The following YEATS2 variants were observed in gnomAD, a reference collection of about 807,000 sequenced individuals.
YEATS2 encodes the protein YEATS domain containing 2.
In YEATS2, 77 loss-of-function variants were observed where a neutral mutation model predicts 163.2. The observed-to-expected ratio is 0.47, with a 90% CI of 0.39 to 0.57. The LOEUF is 0.57. YEATS2 is among the 20% of genes least tolerant of loss of function. The pLI is 0.00. For synonymous variants in YEATS2, 631 were observed against 645.1 expected, an observed-to-expected ratio of 0.98 and a Z score of 0.33; for missense variants, 1,549 against 1,729.8, an observed-to-expected ratio of 0.90 and a Z score of 1.85.
In YEATS2 at chr3:183,803,336, G is replaced by A; in HGVS notation, c.3582+1G>A. The A allele has an allele frequency of 6.2e-7, 1 of 1,609,668 alleles. No individual in the cohort carries two copies. Among genetic ancestry groups the A allele is most frequent in the Non-Finnish European group, 8.5e-7 (1 of 1,178,780 alleles). On this transcript the variant is annotated splice_donor_variant, in intron 26 of 30. Coordinates refer to ENST00000305135, the MANE Select transcript of YEATS2 (RefSeq NM_018023.5). LOFTEE classifies it high-confidence loss of function. ...CATTGGAAAAAGGAGAGCCGCTGAGGTAACCCACATCTGCCTGTCCACTCT... is the reference window on the plus strand; with the variant it reads ...CATTGGAAAAAGGAGAGCCGCTGAGATAACCCACATCTGCCTGTCCACTCT...
intron 10 of YEATS2, among the ~76,000 whole-genome samples, chr3:183,752,519 C>CTT (rs1263022310): frequency 1.3e-5 from 2 of 151,818 alleles, no homozygotes; most frequent in Non-Finnish European, 2.9e-5. Context: ...ACCATCCTGA[C>CTT]TAACACGGTG....
At chr3:183,800,084 G>A (rs906758507) in intron 23 of YEATS2, among the ~76,000 whole-genome samples, 30 of 151,862 alleles carry the variant, frequency 2.0e-4, no homozygotes, top group African/African-American at 3.6e-4. Flanking sequence ...CGCCCACCTC[G>A]GCCTCCCAAA....
intron 19 of YEATS2, among the ~76,000 whole-genome samples, chr3:183,782,359 T>C (rs1723654302): frequency 6.6e-6 from 1 of 152,124 alleles, no homozygotes; most frequent in South Asian, 2.1e-4. Flanking sequence ...TCCACCCGCC[T>C]CAGCCTCCCA....
chr3:183,752,355 G>T, intron 10 of YEATS2, 102 bp downstream of exon 10: 1 of 1,387,830 alleles, frequency 7.2e-7, no homozygotes, highest in Non-Finnish European at 1.0e-6. Context: ...TTTGCTATAA[G>T]TGGACATGCT....
At chr3:183,761,975 C>A in intron 14 of YEATS2, 122 bp from the exon 15 acceptor site, 2 of 1,323,796 alleles carry the variant, frequency 1.5e-6, no homozygotes, top group Non-Finnish European at 2.1e-6. Flanking sequence ...TGGAGTCATT[C>A]TTTACGTATC....
chr3:183,718,886 G>A (rs1225087296), intron 4 of YEATS2, among the ~76,000 whole-genome samples: 1 of 151,946 alleles, frequency 6.6e-6, no homozygotes, highest in African/African-American at 2.4e-5. Context: ...GTAGAGACGA[G>A]GTTTCACCAT....
chr3:183,807,670 G>A, intron 28 of YEATS2: 1 of 227,824 alleles, frequency 4.4e-6, no homozygotes, highest in South Asian at 6.7e-5. Context: ...TGAAGAATGG[G>A]CAAGATGCAG....
rs1447742636 is a variant in YEATS2 at position 183,776,136 on chromosome 3, G to A, written c.2577+13G>A. The A allele has an allele frequency of 2.0e-6, 3 of 1,536,382 alleles. No homozygotes were observed. In the East Asian group the frequency reaches 6.8e-5, roughly 35 times the overall value. On this transcript the variant is annotated intron_variant, in intron 18 of 30. Coordinates refer to ENST00000305135, the MANE Select transcript of YEATS2 (RefSeq NM_018023.5). ...GCAAACTCCCCAGGTCTGGTTCTCT[G>A]TAACTGATATTTTAAATCATTTAGC...
At chr3:183,722,381 C>T (rs1716612093) in intron 5 of YEATS2, among the ~76,000 whole-genome samples, 3 of 150,610 alleles carry the variant, frequency 2.0e-5, no homozygotes, top group Admixed American at 1.3e-4. Flanking sequence ...CTCCGCCTCC[C>T]GGGTTCACGC....
chr3:183,743,220 TAAAAC>T (rs989921407), intron 8 of YEATS2, among the ~76,000 whole-genome samples: 27 of 152,230 alleles, frequency 1.8e-4, no homozygotes, highest in Middle Eastern at 6.8e-3. Context: ...GGTAGAAAAA[TAAAAC>T]AAAAGAAATA....
At chr3:183,746,869 T>A (rs1030231495) in intron 8 of YEATS2, among the ~76,000 whole-genome samples, 13 of 152,122 alleles carry the variant, frequency 8.5e-5, no homozygotes, top group African/African-American at 3.1e-4. Flanking sequence ...TTTAAAACCT[T>A]GTATTTACTA....
intron 19 of YEATS2, among the ~76,000 whole-genome samples, chr3:183,780,813 A>C (rs1013734476): frequency 1.3e-5 from 2 of 152,232 alleles, no homozygotes; most frequent in East Asian, 3.8e-4. Flanking sequence ...TAACAGGCTT[A>C]ATTCTGTATC....
At chr3:183,777,880 A>G (rs1723153615) in intron 19 of YEATS2, among the ~76,000 whole-genome samples, 180 bp downstream of exon 19, 2 of 152,302 alleles carry the variant, frequency 1.3e-5, no homozygotes, top group East Asian at 1.9e-4. Context: ...AGGTGGGTGG[A>G]TTGCCTGAGG....
At chr3:183,807,766 C>T in intron 28 of YEATS2, 1 of 388,718 alleles carries the variant, frequency 2.6e-6, no homozygotes, top group Non-Finnish European at 4.7e-6. Flanking sequence ...AGATCCCAAC[C>T]ATGTTCTCCC....
chr3:183,803,482 A>G, intron 26 of YEATS2, 147 bp downstream of exon 26: 1 of 792,810 alleles, frequency 1.3e-6, no homozygotes, highest in Non-Finnish European at 2.0e-6. Context: ...AAAGACCTGT[A>G]TCCAGCTGAC....
At chr3:183,741,510 G>A (rs941943438) in intron 8 of YEATS2, among the ~76,000 whole-genome samples, 1 of 152,076 alleles carries the variant, frequency 6.6e-6, no homozygotes, top group African/African-American at 2.4e-5. Flanking sequence ...GGCCAGGCAT[G>A]GTGGCTTATG....
intron 20 of YEATS2, among the ~76,000 whole-genome samples, chr3:183,790,218 T>A (rs1260915523): frequency 6.6e-6 from 1 of 152,250 alleles, no homozygotes; most frequent in African/African-American, 2.4e-5. Context: ...CCCTCCTGTT[T>A]CTATTCCTAG....
At chr3:183,806,539 T>C (rs1463989603) in intron 27 of YEATS2, 1 of 438,330 alleles carries the variant, frequency 2.3e-6, no homozygotes, top group East Asian at 5.9e-5. Flanking sequence ...TTTTCCAGAT[T>C]TGAGATGAGG....
intron 20 of YEATS2, among the ~76,000 whole-genome samples, chr3:183,789,823 G>A (rs1031345137): frequency 2.0e-5 from 3 of 152,040 alleles, no homozygotes; most frequent in African/African-American, 7.3e-5. Flanking sequence ...ATAGGCATGA[G>A]CCACTGCACC....
Sources: gnomAD v4.1 joint callset for allele counts (sites outside exome capture counted in the v4.1 genomes callset) on GRCh38, gnomAD v4.1.1 for gene constraint, MANE v1.5 for transcripts, NCBI Gene and HGNC (gene_info 2026-07-23, HGNC 2026-07-21) for gene names.